HIPK3: variants seen among roughly 807,000 people sequenced by gnomAD.
HIPK3 encodes the protein homeodomain interacting protein kinase 3.
A neutral mutation model predicts 124.2 loss-of-function variants in HIPK3; 47 were observed. That is an observed-to-expected ratio of 0.38 (90% CI 0.30 to 0.48). HIPK3 has a LOEUF of 0.48. Among genes scored for constraint, HIPK3 ranks in the 20% least tolerant of loss-of-function variants. The pLI is 0.98. For missense variants in HIPK3, 1,286 were observed against 1,454.3 expected (o/e 0.88, Z 1.88); for synonymous variants, 482 against 515.2 (o/e 0.94, Z 0.87).
chr11:33,275,061 A>T (rs997053129), intron 1 of HIPK3, among the ~76,000 whole-genome samples: 3 of 150,582 alleles, frequency 2.0e-5, no homozygotes, highest in Non-Finnish European at 4.4e-5. Context: ...TTTTTTTGAG[A>T]TGGAGTCTTG....
At chr11:33,310,129 C>T (rs1852277628) in intron 2 of HIPK3, among the ~76,000 whole-genome samples, 1 of 152,042 alleles carries the variant, frequency 6.6e-6, no homozygotes, top group African/African-American at 2.4e-5. Context: ...AGAATGACAA[C>T]TTTGTTTTTT....
At chr11:33,261,156 AAT>A (rs1386362302) in intron 1 of HIPK3, among the ~76,000 whole-genome samples, 2 of 146,916 alleles carry the variant, frequency 1.4e-5, no homozygotes, top group South Asian at 4.2e-4. Flanking sequence ...ATATTATATA[AAT>A]ATATATAATA....
chr11:33,343,273 G>GTA (rs1269760705), intron 8 of HIPK3, among the ~76,000 whole-genome samples: 1 of 145,512 alleles, frequency 6.9e-6, no homozygotes, highest in African/African-American at 2.5e-5. Flanking sequence ...GTGTGTGTGT[G>GTA]TGTGTGTGTG....
chr11:33,338,892 C>T lies in HIPK3; in HGVS notation c.1428+49C>T, dbSNP rs753249857. ...TCATCTTACATGCTTAGATGGTAGACTTGAATGCCAAGGGGCCCAAAACAT... is the reference window on the plus strand; with the variant it reads ...TCATCTTACATGCTTAGATGGTAGATTTGAATGCCAAGGGGCCCAAAACAT... On this transcript the variant is annotated intron_variant, in intron 5 of 16. Coordinates refer to ENST00000303296, the MANE Select transcript of HIPK3 (RefSeq NM_005734.5). 4 of 1,320,120 alleles carry T rather than the reference C, an allele frequency of 3.0e-6. No individual in the cohort carries two copies. The South Asian group carries it at 4.9e-5, about 16-fold the overall frequency. 81.8% of individuals were successfully genotyped at this position (1,320,120 alleles called of 1,614,324 possible).
intron 2 of HIPK3, among the ~76,000 whole-genome samples, chr11:33,328,089 C>T (rs890087575): frequency 4.6e-5 from 7 of 152,040 alleles, no homozygotes; most frequent in Non-Finnish European, 8.8e-5. Context: ...CACTTTTAGC[C>T]TTTGAGGATT....
At chr11:33,283,131 GAC>G (rs1319587299) in intron 1 of HIPK3, among the ~76,000 whole-genome samples, 1 of 148,610 alleles carries the variant, frequency 6.7e-6, no homozygotes, top group Non-Finnish European at 1.5e-5. Context: ...TTTTTTTTGA[GAC>G]GGAGTCTCCC....
At chr11:33,316,418 A>T (rs1360151621) in intron 2 of HIPK3, among the ~76,000 whole-genome samples, 1 of 152,204 alleles carries the variant, frequency 6.6e-6, no homozygotes, top group Non-Finnish European at 1.5e-5. Flanking sequence ...TGTTATGCTA[A>T]AAGAGTCTCC....
intron 2 of HIPK3, among the ~76,000 whole-genome samples, chr11:33,290,618 C>T (rs1851672891): frequency 1.4e-5 from 2 of 138,796 alleles, no homozygotes; most frequent in Admixed American, 1.6e-4. Context: ...AATCTTTTTC[C>T]ACTAGAGTTA....
chr11:33,293,608 A>G (rs1304286739), intron 2 of HIPK3, among the ~76,000 whole-genome samples: 2 of 152,042 alleles, frequency 1.3e-5, no homozygotes, highest in South Asian at 2.1e-4. Context: ...AATACTTACT[A>G]CTTTTTATTA....
chr11:33,286,543 C>G lies in HIPK3; in HGVS notation c.129C>G (p.Thr43=). 1 of 1,613,996 alleles carries G rather than the reference C, an allele frequency of 6.2e-7. No homozygotes were observed. Among genetic ancestry groups the G allele is most frequent in the Non-Finnish European group, 8.5e-7 (1 of 1,179,996 alleles). Reference sequence around the variant, plus strand: ...TCCAGGAAAGAAACTATCCACGGACCTATGTGAATGGTAGAAACTTTGGAA... The same window carrying G: ...TCCAGGAAAGAAACTATCCACGGACGTATGTGAATGGTAGAAACTTTGGAA... The part of the protein sequence containing the change: ...CVFQERNYPR[T]YVNGRNFGNS... Residue 43 remains threonine, a synonymous_variant, in exon 2 of 17, where the codon ACC becomes ACG. Transcript: ENST00000303296.
Position 33,349,148 on chromosome 11 carries a change from T to C in HIPK3, c.2668T>C (p.Cys890Arg). The C allele has an allele frequency of 6.2e-7, 1 of 1,612,604 alleles. No individual in the cohort carries two copies. Among genetic ancestry groups the C allele is most frequent in the Non-Finnish European group, 8.5e-7 (1 of 1,179,300 alleles). Reference protein sequence around the residue: ...ETSQRHSLRECKGSLDCEACQ... With the variant: ...ETSQRHSLRERKGSLDCEACQ... ...TTTTTCCCTTTTCTCTTCCACTAGA[T>C]GTAAAGGTAGTCTAGATTGTGAAGC... Residue 890 changes from cysteine (C) to arginine (R), a missense_variant and splice_region_variant, in exon 14 of 17, where the codon TGT (cysteine) becomes CGT (arginine). Around this residue, in one of 3 missense-constraint regions of HIPK3, gnomAD observed 810 missense variants for 864.9 expected, o/e 0.94. Transcript: ENST00000303296.
At chr11:33,275,282 C>A (rs1419580555) in intron 1 of HIPK3, among the ~76,000 whole-genome samples, 2 of 152,146 alleles carry the variant, frequency 1.3e-5, no homozygotes, top group Non-Finnish European at 2.9e-5. Flanking sequence ...TCGTGATCCG[C>A]CCGCCTCAGC....
In HIPK3 at chr11:33,287,177, G is replaced by GAATATA; in HGVS notation, c.765_770dup (p.Tyr256_Asn257insLysTyr). On this transcript the variant is annotated inframe_insertion, in exon 2 of 17. Transcript: ENST00000303296. The stretch of plus-strand genomic sequence containing the variant: ...AAGGCTCAGTACTGAAAATGCTGAT[G>GAATATA]AATATAACTTTGTACGAGCTTATGA... 6.2e-7 allele frequency: 1 copy of GAATATA among 1,614,188 alleles called. No individual in the cohort carries two copies. The highest frequency in any genetic ancestry group is 8.5e-7 in the Non-Finnish European group (1 of 1,180,034).
At chr11:33,263,436 C>G (rs1045500103) in intron 1 of HIPK3, among the ~76,000 whole-genome samples, 4 of 152,182 alleles carry the variant, frequency 2.6e-5, no homozygotes, top group African/African-American at 7.2e-5. Flanking sequence ...ATGTCTCAGC[C>G]TCCTGAGTAG....
In HIPK3 at chr11:33,286,964, T is replaced by C; in HGVS notation, c.550T>C (p.Leu184=). 1 of 1,614,086 alleles carries C rather than the reference T, an allele frequency of 6.2e-7. No individual in the cohort carries two copies. The change falls in exon 2 of 17, where the codon TTA becomes CTA. Residue 184 remains leucine, a synonymous_variant. Transcript: ENST00000303296. ...NCTTGEGDYQ[L]VQHEVLCSMK... is the part of the protein sequence containing the mutation. The stretch of plus-strand genomic sequence containing the variant: ...TACCACTGGAGAAGGTGACTATCAG[T>C]TAGTACAGCATGAAGTCTTATGCTC...
At chr11:33,341,734 T>A in intron 8 of HIPK3, 48 bp downstream of exon 8, 1 of 1,498,912 alleles carries the variant, frequency 6.7e-7, no homozygotes, top group Non-Finnish European at 9.1e-7. Flanking sequence ...TGCTTTATTT[T>A]AAAATAAGTT....
chr11:33,264,925 C>T (rs1850914878), intron 1 of HIPK3, among the ~76,000 whole-genome samples: 1 of 152,140 alleles, frequency 6.6e-6, no homozygotes, highest in South Asian at 2.1e-4. Flanking sequence ...TACATGTTAT[C>T]TCTTTAATAA....
At chr11:33,285,992 C>G (rs1202990575) in intron 1 of HIPK3, among the ~76,000 whole-genome samples, 1 of 152,134 alleles carries the variant, frequency 6.6e-6, no homozygotes, top group Non-Finnish European at 1.5e-5. Flanking sequence ...CCAGGCTGGT[C>G]TTGGACTCCT....
chr11:33,303,458 G>A (rs192754384), intron 2 of HIPK3, among the ~76,000 whole-genome samples: 5 of 152,314 alleles, frequency 3.3e-5, no homozygotes. Context: ...GAAGACTTTA[G>A]TGGTGGTTTT....
Sources: allele counts gnomAD v4.1 joint callset (sites outside exome capture counted in the v4.1 genomes callset), GRCh38; gene constraint gnomAD v4.1.1; regional missense constraint gnomAD v4.1.1; transcripts MANE v1.5; gene names NCBI Gene and HGNC (gene_info 2026-07-23, HGNC 2026-07-21).